The following SNTG1 variants were observed in gnomAD, a reference collection of about 807,000 sequenced individuals.
SNTG1 encodes the protein gamma-1-syntrophin.
In SNTG1, 39 loss-of-function variants were observed where a neutral mutation model predicts 74.7. The ratio of observed to expected loss-of-function variants is 0.52; its 90% CI spans 0.40 to 0.68. The LOEUF (loss-of-function observed/expected upper bound fraction) is 0.68, where lower values mean the gene tolerates loss of function less well. Among genes scored for constraint, SNTG1 ranks in the 30% least tolerant of loss-of-function variants. The pLI is 0.00. For synonymous variants in SNTG1, 254 were observed against 217.1 expected, an observed-to-expected ratio of 1.17 and a Z score of -1.49; for missense variants, 685 against 609.5, an observed-to-expected ratio of 1.12 and a Z score of -1.30.
chr8:50,262,537 T>A (rs1160179167), intron 2 of SNTG1, among the ~76,000 whole-genome samples: 2 of 151,996 alleles, frequency 1.3e-5, no homozygotes, highest in Admixed American at 1.3e-4. Context: ...AGCCTCAGAG[T>A]AGCTGGGACT....
At chr8:50,327,234 T>A (rs571413163) in intron 2 of SNTG1, among the ~76,000 whole-genome samples, 1 of 152,318 alleles carries the variant, frequency 6.6e-6, no homozygotes, top group African/African-American at 2.4e-5. Flanking sequence ...TTATGTTTCC[T>A]GGGTCTGTCC....
chr8:50,311,512 G>A (rs1476584629), intron 2 of SNTG1, among the ~76,000 whole-genome samples: 1 of 152,056 alleles, frequency 6.6e-6, no homozygotes. Flanking sequence ...GTGTGCCTAG[G>A]GTTACGAATC....
intron 2 of SNTG1, among the ~76,000 whole-genome samples, chr8:50,225,937 C>T (rs2085306146): frequency 6.6e-6 from 1 of 152,034 alleles, no homozygotes; most frequent in Non-Finnish European, 1.5e-5. Context: ...AAATATTTTG[C>T]AGTATTAAAA....
At chr8:50,472,684 T>TG (rs2093662703) in intron 8 of SNTG1, among the ~76,000 whole-genome samples, 1 of 151,870 alleles carries the variant, frequency 6.6e-6, no homozygotes, top group Non-Finnish European at 1.5e-5. Context: ...TAAATCAAAA[T>TG]GAAAAACTTC....
chr8:50,067,873 A>G (rs1006973865), intron 1 of SNTG1, among the ~76,000 whole-genome samples: 1 of 152,178 alleles, frequency 6.6e-6, no homozygotes, highest in Non-Finnish European at 1.5e-5. Context: ...GGCCTGTTGC[A>G]GGGTCTCCAT....
intron 9 of SNTG1, among the ~76,000 whole-genome samples, chr8:50,529,285 A>G (rs2094247140): frequency 6.6e-6 from 1 of 151,998 alleles, no homozygotes; most frequent in Admixed American, 6.6e-5. Context: ...AGATCAGTAT[A>G]GCGAGAAAGC....
chr8:50,692,204 G>A (rs1337840277), intron 15 of SNTG1, among the ~76,000 whole-genome samples: 1 of 151,902 alleles, frequency 6.6e-6, no homozygotes, highest in South Asian at 2.1e-4. Flanking sequence ...ATTTCCTCCT[G>A]TAGCTCGGAG....
At chr8:50,299,913 A>C (rs2089571043) in intron 2 of SNTG1, among the ~76,000 whole-genome samples, 1 of 152,150 alleles carries the variant, frequency 6.6e-6, no homozygotes, top group Admixed American at 6.6e-5. Context: ...AAATGCTTTC[A>C]ACTTTATCTT....
At chr8:50,784,039 A>G (rs1014441042) in intron 18 of SNTG1, among the ~76,000 whole-genome samples, 93 of 152,332 alleles carry the variant, frequency 6.1e-4, no homozygotes, top group African/African-American at 2.2e-3. Flanking sequence ...GTAGAATTTC[A>G]GGTTTACTAC....
intron 1 of SNTG1, among the ~76,000 whole-genome samples, chr8:49,941,406 T>C (rs560900410): frequency 4.0e-5 from 6 of 150,810 alleles, no homozygotes; most frequent in Non-Finnish European, 8.9e-5. Flanking sequence ...ATCACTTTCT[T>C]CTGACTTTTC....
intron 8 of SNTG1, among the ~76,000 whole-genome samples, chr8:50,457,585 A>G (rs1426482255): frequency 6.6e-6 from 1 of 152,194 alleles, no homozygotes; most frequent in Non-Finnish European, 1.5e-5. Flanking sequence ...AATCATACAG[A>G]TAAAAGAGGA....
At chr8:50,367,752 T>C (rs979327249) in intron 2 of SNTG1, among the ~76,000 whole-genome samples, 2 of 152,082 alleles carry the variant, frequency 1.3e-5, no homozygotes, top group African/African-American at 4.8e-5. Context: ...GGTGCTCAAA[T>C]ATACTTGGTC....
intron 18 of SNTG1, among the ~76,000 whole-genome samples, chr8:50,756,281 C>G (rs559299534): frequency 5.9e-5 from 9 of 151,738 alleles, no homozygotes; most frequent in Non-Finnish European, 1.3e-4. Flanking sequence ...TCAGTCGTTT[C>G]TTTTGTGCAT....
intron 9 of SNTG1, among the ~76,000 whole-genome samples, chr8:50,524,132 C>G (rs1366602281): frequency 6.6e-6 from 1 of 151,938 alleles, no homozygotes; most frequent in Non-Finnish European, 1.5e-5. Flanking sequence ...TTTGTGTACC[C>G]CTTATAGGTA....
chr8:50,484,082 T>TTCTC (rs2093763089), intron 8 of SNTG1, among the ~76,000 whole-genome samples: 1 of 150,068 alleles, frequency 6.7e-6, no homozygotes, highest in Admixed American at 6.6e-5. Context: ...TTTTCTCTTT[T>TTCTC]TCTTTCTCTC....
intron 1 of SNTG1, among the ~76,000 whole-genome samples, chr8:50,134,654 T>G (rs1207655378): frequency 1.3e-5 from 2 of 152,146 alleles, no homozygotes; most frequent in Admixed American, 1.3e-4. Flanking sequence ...GGTACATTCC[T>G]TTTTCTTAAC....
chr8:50,167,692 A>G (rs1196387933), intron 1 of SNTG1, among the ~76,000 whole-genome samples: 3 of 151,540 alleles, frequency 2.0e-5, no homozygotes, highest in African/African-American at 7.3e-5. Flanking sequence ...ATGCGCCTGT[A>G]GTCCCAGCTA....
At chr8:50,705,131 G>A (rs1440169163) in intron 16 of SNTG1, among the ~76,000 whole-genome samples, 1 of 151,980 alleles carries the variant, frequency 6.6e-6, no homozygotes, top group Admixed American at 6.6e-5. Flanking sequence ...TACTCACAAT[G>A]CTCTTTCCCT....
chr8:50,532,379 C>A (rs531515205), intron 10 of SNTG1, among the ~76,000 whole-genome samples: 9 of 152,188 alleles, frequency 5.9e-5, no homozygotes, highest in Non-Finnish European at 1.0e-4. Flanking sequence ...ATGATTTTAA[C>A]ACAAAAAAAT....
Sources: gnomAD v4.1 joint callset for allele counts (sites outside exome capture counted in the v4.1 genomes callset) on GRCh38, gnomAD v4.1.1 for gene constraint, MANE v1.5 for transcripts, NCBI Gene and HGNC (gene_info 2026-07-23, HGNC 2026-07-21) for gene names.